OXSR1: variants seen among roughly 807,000 people sequenced by gnomAD.
The protein encoded by OXSR1 is oxidative stress responsive kinase 1.
A neutral mutation model predicts 79.8 loss-of-function variants in OXSR1; 24 were observed. The observed-to-expected ratio is 0.30, with a 90% CI of 0.22 to 0.42. The LOEUF is 0.42. Ranked by LOEUF, OXSR1 falls within the 10% of genes least tolerant of loss-of-function variation. The pLI, the probability that OXSR1 is intolerant of heterozygous loss-of-function variation, is 1.00. For synonymous variants in OXSR1, 226 were observed against 209.2 expected (o/e 1.08, Z -0.69); for missense variants, 430 against 618.4 (o/e 0.70, Z 3.23).
Position 38,252,854 on chromosome 3 carries a change from G to T in OXSR1, c.1547G>T (p.Gly516Val). Residue 516 changes from glycine to valine, a missense_variant, in exon 18 of 18, where the codon GGT (glycine) becomes GTT (valine). Physicochemically the swap from Gly to Val is moderately radical, Grantham distance 109. Transcript: ENST00000311806. ...GVEGSDIPDD[G>V]KLIGFAQLSI... Reference sequence around the variant, plus strand: ...GAAGGCTCAGATATTCCTGATGATGGTAAACTGATAGGATTTGCCCAGCTC... The same window carrying T: ...GAAGGCTCAGATATTCCTGATGATGTTAAACTGATAGGATTTGCCCAGCTC... The T allele has an allele frequency of 6.2e-7, 1 of 1,613,762 alleles. No homozygotes were observed. Among genetic ancestry groups the T allele is most frequent in the African/African-American group, 1.3e-5 (1 of 75,006 alleles).
intron 1 of OXSR1, among the ~76,000 whole-genome samples, chr3:38,168,743 C>G (rs984596150): frequency 6.6e-6 from 1 of 152,210 alleles, no homozygotes. Context: ...CCTTTCTGGA[C>G]ATTTTATGTA....
intron 14 of OXSR1, among the ~76,000 whole-genome samples, 200 bp downstream of exon 14, chr3:38,247,932 C>G (rs1165820353): frequency 6.6e-6 from 1 of 152,070 alleles, no homozygotes; most frequent in Admixed American, 6.6e-5. Context: ...TTGTGACTAA[C>G]TGATGCACAT....
At chr3:38,186,483 A>C (rs765508906) in intron 2 of OXSR1, among the ~76,000 whole-genome samples, 11 of 152,200 alleles carry the variant, frequency 7.2e-5, no homozygotes, top group Non-Finnish European at 1.6e-4. Flanking sequence ...TCCTCCCCTC[A>C]GCCCTAGGCA....
chr3:38,225,227 C>T (rs1575353961), intron 8 of OXSR1, among the ~76,000 whole-genome samples: 1 of 152,150 alleles, frequency 6.6e-6, no homozygotes, highest in East Asian at 1.9e-4. Flanking sequence ...ATGAATTAAG[C>T]AGAATCGTAG....
chr3:38,178,392 A>G (rs1261346357), intron 1 of OXSR1, among the ~76,000 whole-genome samples: 2 of 152,104 alleles, frequency 1.3e-5, no homozygotes, highest in African/African-American at 2.4e-5. Context: ...TTTAAATGTA[A>G]CAAACAAATT....
chr3:38,240,595 G>A (rs1703012131), intron 11 of OXSR1, among the ~76,000 whole-genome samples: 1 of 151,866 alleles, frequency 6.6e-6, no homozygotes, highest in African/African-American at 2.4e-5. Flanking sequence ...CCCCACTAAA[G>A]GGAAGCAGAG....
Position 38,253,094 on chromosome 3 carries a change from C to A in OXSR1, c.*203C>A. 1.7e-6 allele frequency: 1 copy of A among 574,068 alleles called. No individual in the cohort carries two copies. Among genetic ancestry groups the A allele is most frequent in the Middle Eastern group, 4.5e-4 (1 of 2,220 alleles). The allele number at this position is 574,068 out of a possible 1,614,324, so 35.6% of individuals were successfully genotyped here. A position where few individuals can be genotyped will look rare whatever the true frequency, so the allele number is the denominator to read the frequency against. ...GTTGGATCACTAGTGGCCAGCATCC[C>A]CAGAGTTCCGTTAGTAAACTTACTT... On this transcript the variant is annotated 3_prime_UTR_variant, in exon 18 of 18. Transcript: ENST00000311806.
At chr3:38,204,629 A>T (rs1171900363) in intron 4 of OXSR1, among the ~76,000 whole-genome samples, 1 of 151,860 alleles carries the variant, frequency 6.6e-6, no homozygotes, top group East Asian at 2.0e-4. Flanking sequence ...TAGAAATGTC[A>T]TCTAGGAGCT....
intron 1 of OXSR1, among the ~76,000 whole-genome samples, chr3:38,166,282 G>A (rs1024479122): frequency 2.6e-5 from 4 of 152,160 alleles, no homozygotes; most frequent in Non-Finnish European, 5.9e-5. Context: ...TTCCGAGGCT[G>A]TGTGAGAAAT....
At chr3:38,209,902 G>C (rs1036704879) in intron 4 of OXSR1, among the ~76,000 whole-genome samples, 1 of 152,210 alleles carries the variant, frequency 6.6e-6, no homozygotes, top group African/African-American at 2.4e-5. Context: ...GATTACAGGC[G>C]TGAGCCACCG....
Position 38,165,955 on chromosome 3 carries a change from A to C in OXSR1, c.70+9A>C. 6.2e-7 allele frequency: 1 copy of C among 1,607,392 alleles called. No individual in the cohort carries two copies. Among genetic ancestry groups the C allele is most frequent in the Non-Finnish European group, 8.5e-7 (1 of 1,177,368 alleles). On this transcript the variant is annotated intron_variant, in intron 1 of 17. Coordinates refer to ENST00000311806, the MANE Select transcript of OXSR1 (RefSeq NM_005109.3). The stretch of plus-strand genomic sequence containing the variant: ...GCTGCAGGAGGTGATCGGTGAGAGC[A>C]GGCGCTGCGGAGGGGGGAGGCGCGG...
At chr3:38,226,588 CTGATATGTGCCTCT>C (rs1702693233) in intron 8 of OXSR1, among the ~76,000 whole-genome samples, 1 of 151,998 alleles carries the variant, frequency 6.6e-6, no homozygotes, top group Non-Finnish European at 1.5e-5. Flanking sequence ...ATTGATAAGA[CTGATATGTGCCTCT>C]TGATATGGTG....
chr3:38,165,757 G>C lies in OXSR1; in HGVS notation c.-120G>C. The C allele has an allele frequency of 1.1e-6, 1 of 909,372 alleles. No individual in the cohort carries two copies. Among genetic ancestry groups the C allele is most frequent in the South Asian group, 1.5e-5 (1 of 65,184 alleles). The allele number at this position is 909,372 out of a possible 1,614,324, so 56.3% of individuals were successfully genotyped here. On this transcript the variant is annotated 5_prime_UTR_variant, in exon 1 of 18. Transcript: ENST00000311806. The stretch of plus-strand genomic sequence containing the variant: ...GCGCCGTCCGACCCGTGGCTGTTCC[G>C]AGACGATTGGTGGGGGCGCGGCGGC...
At chr3:38,210,845 A>G (rs1003898115) in intron 4 of OXSR1, among the ~76,000 whole-genome samples, 12 of 152,198 alleles carry the variant, frequency 7.9e-5, no homozygotes, top group African/African-American at 2.9e-4. Context: ...AGCTCATTAC[A>G]TATTGAACTG....
intron 17 of OXSR1, 136 bp from the exon 18 acceptor site, chr3:38,252,681 C>T: frequency 2.9e-6 from 2 of 688,566 alleles, no homozygotes. Flanking sequence ...GAATAAACAC[C>T]TTCGTCAGTC....
At chr3:38,237,016 G>A in intron 11 of OXSR1, 55 bp downstream of exon 11, 4 of 1,467,668 alleles carry the variant, frequency 2.7e-6, no homozygotes, top group Non-Finnish European at 3.7e-6. Context: ...TTCTTGTTCA[G>A]CTTAACCAGC....
At chr3:38,169,811 A>G (rs1701541997) in intron 1 of OXSR1, among the ~76,000 whole-genome samples, 1 of 147,272 alleles carries the variant, frequency 6.8e-6, no homozygotes, top group Non-Finnish European at 1.5e-5. Flanking sequence ...ATCAGGGCTC[A>G]CTCCACCTCC....
chr3:38,235,807 A>G (rs35301550), intron 10 of OXSR1, among the ~76,000 whole-genome samples: 1 of 152,362 alleles, frequency 6.6e-6, no homozygotes, highest in Non-Finnish European at 1.5e-5. Flanking sequence ...ATGAAGTGTG[A>G]AGATGGAATC....
chr3:38,214,674 A>G (rs138811347), intron 4 of OXSR1, among the ~76,000 whole-genome samples: 4 of 152,348 alleles, frequency 2.6e-5, no homozygotes, highest in African/African-American at 9.6e-5. Flanking sequence ...GCACTCTACT[A>G]AGTCAGCCTC....
Sources: gnomAD v4.1 joint callset for allele counts (sites outside exome capture counted in the v4.1 genomes callset) on GRCh38, gnomAD v4.1.1 for gene constraint, MANE v1.5 for transcripts, NCBI Gene and HGNC (gene_info 2026-07-23, HGNC 2026-07-21) for gene names.